The following IGF2 variants were observed in gnomAD, a reference collection of about 807,000 sequenced individuals.
IGF2 encodes insulin like growth factor 2.
In IGF2, 2 loss-of-function variants were observed where a neutral mutation model predicts 12.0. The observed-to-expected ratio is 0.17, with a 90% CI of 0.07 to 0.52. The LOEUF (loss-of-function observed/expected upper bound fraction) is 0.52. Among genes scored for constraint, IGF2 ranks in the 20% least tolerant of loss-of-function variants. The pLI, the probability that IGF2 is intolerant of heterozygous loss-of-function variation, is 0.95. For missense variants in IGF2, 211 were observed against 268.0 expected, an observed-to-expected ratio of 0.79 and a Z score of 1.48; for synonymous variants, 105 against 110.1, an observed-to-expected ratio of 0.95 and a Z score of 0.29.
At chr11:2,139,992 C>T (rs1185067357), upstream of IGF2, 5 of 685,150 alleles carry the variant, frequency 7.3e-6, no homozygotes, top group Non-Finnish European at 1.1e-5. Context: ...GGTGCCGCGC[C>T]GGAGCCCCGG....
In IGF2 at chr11:2,132,080, G is replaced by A. The variant is rs994157168; in HGVS notation, c.*907C>T. The A allele has an allele frequency of 3.7e-5, 8 of 214,100 alleles. No individual in the cohort carries two copies. Among genetic ancestry groups the A allele is most frequent in the African/African-American group, 2.3e-5 (1 of 43,942 alleles). 13.3% of individuals were successfully genotyped at this position (214,100 alleles called of 1,614,324 possible). ...GTGCTCGTGTGTGTGCTGTGTTCAT[G>A]CGTGTGCTGTGTGTTGTGTGTGTGT... On this transcript the variant is annotated 3_prime_UTR_variant, in exon 4 of 4. Coordinates refer to ENST00000416167, the MANE Select transcript of IGF2 (RefSeq NM_000612.6).
At chr11:2,140,457 C>T (rs576301287), upstream of IGF2, 26 of 643,236 alleles carry the variant, frequency 4.0e-5, no homozygotes, top group South Asian at 4.7e-4. Context: ...CCCTCGCCCC[C>T]CTCGCTCCGC....
chr11:2,140,728 G>GCGCCCCA (rs1289464442), upstream of IGF2: 5 of 392,758 alleles, frequency 1.3e-5, no homozygotes, highest in Non-Finnish European at 2.4e-5. Context: ...GCCGTGTCCC[G>GCGCCCCA]CGCCCCACGC....
At chr11:2,147,184 G>A in the IGF2 span, 1 of 161,546 alleles carries the variant, frequency 6.2e-6, no homozygotes, top group Non-Finnish European at 1.3e-5. The surrounding 1 kb of genome is among the most constrained non-coding windows in gnomAD (Gnocchi z 7.2). Context: ...GCTTTCCTTG[G>A]GTTTTTAGGT....
At chr11:2,135,641 G>A in intron 1 of IGF2, 112 bp from the exon 2 acceptor site, 1 of 873,266 alleles carries the variant, frequency 1.1e-6, no homozygotes, top group Non-Finnish European at 1.8e-6. Context: ...AAAATTGAAA[G>A]CACGGCTTTC....
chr11:2,148,883 A>C, the IGF2 span: 1 of 554,664 alleles, frequency 1.8e-6, no homozygotes, highest in Non-Finnish European at 3.2e-6. This position sits in a 1 kb window ranked among gnomAD's most constrained non-coding sequence, Gnocchi z 4.3. Context: ...TTCCTTGCAA[A>C]AGCCTCAGTG....
the IGF2 span, chr11:2,149,031 G>T: frequency 8.4e-7 from 1 of 1,184,466 alleles, no homozygotes; most frequent in Non-Finnish European, 1.2e-6. Context: ...CAGAAACCAG[G>T]ATCCTGGCAG....
chr11:2,143,008 G>A (rs970247032), upstream of IGF2, among the ~76,000 whole-genome samples: 1 of 152,108 alleles, frequency 6.6e-6, no homozygotes, highest in Admixed American at 6.5e-5. Context: ...AGCCATAGAC[G>A]TTAATGCCCC....
Position 2,138,390 on chromosome 11 carries a change from G to GC in IGF2, c.-169_-168insG, listed in dbSNP as rs1347552295. On this transcript the variant is annotated 5_prime_UTR_variant, in exon 1 of 4. Transcript: ENST00000416167. ...AGAGCGGGGGGATGGCTTTTTTTTGGGGGGGGGGGGAGAATTCGTCTGATT... is the reference window on the plus strand; with the variant it reads ...AGAGCGGGGGGATGGCTTTTTTTTGGCGGGGGGGGGGAGAATTCGTCTGATT... 3.0e-5 allele frequency: 15 copies of GC among 495,580 alleles called. 1 individual carries two copies. In the East Asian group the frequency reaches 1.5e-3, roughly 48 times the overall value. 30.7% of individuals were successfully genotyped at this position (495,580 alleles called of 1,614,324 possible).
chr11:2,146,185 C>G (rs1378644269), upstream of IGF2: 2 of 514,664 alleles, frequency 3.9e-6, no homozygotes, highest in Non-Finnish European at 7.8e-6. Context: ...TGTGGCTGCT[C>G]CCCATCCCCT....
chr11:2,138,167 G>T, intron 1 of IGF2, 62 bp downstream of exon 1: 7 of 959,750 alleles, frequency 7.3e-6, no homozygotes, highest in Non-Finnish European at 8.7e-6. Context: ...AGGGCCGGGC[G>T]TCCGGCGCAA....
rs1858622084 is a variant in IGF2, at chr11:2,131,928, G to A, written c.*1059C>T. The stretch of plus-strand genomic sequence containing the variant: ...TTGTGTGTGTGCTGTGTGTGCATGT[G>A]TGTGCGTGTGTGTGCCGTGCGTTTG... On this transcript the variant is annotated 3_prime_UTR_variant, in exon 4 of 4. Coordinates refer to ENST00000416167, the MANE Select transcript of IGF2 (RefSeq NM_000612.6). 1.1e-5 allele frequency: 2 copies of A among 182,536 alleles called. No homozygotes were observed. The highest frequency in any genetic ancestry group is 8.3e-5 in the East Asian group (1 of 11,996). The allele number at this position is 182,536 out of a possible 1,614,324, so 11.3% of individuals were successfully genotyped here. A position where few individuals can be genotyped will look rare whatever the true frequency, so the allele number is the denominator to read the frequency against.
chr11:2,149,512 T>A, the IGF2 span: 1 of 666,746 alleles, frequency 1.5e-6, no homozygotes, highest in Non-Finnish European at 2.5e-6. Flanking sequence ...CCCCTCCGAA[T>A]TTGGGGAGCT....
chr11:2,148,046 G>A, the IGF2 span: 3 of 384,934 alleles, frequency 7.8e-6, no homozygotes, highest in Non-Finnish European at 1.4e-5. The surrounding 1 kb of genome is among the most constrained non-coding windows in gnomAD (Gnocchi z 4.3). Context: ...GCTTCCCGGT[G>A]CTGATGGAGA....
chr11:2,145,339 C>A (rs1286663431), upstream of IGF2, among the ~76,000 whole-genome samples: 2 of 152,168 alleles, frequency 1.3e-5, no homozygotes, highest in Non-Finnish European at 2.9e-5. Context: ...AAACCTGGTC[C>A]CCGGGAGAGC....
the IGF2 span, chr11:2,147,718 G>C: frequency 8.0e-7 from 1 of 1,249,640 alleles, no homozygotes. The surrounding 1 kb of genome is among the most constrained non-coding windows in gnomAD (Gnocchi z 7.2). Flanking sequence ...AGGCTGGGCA[G>C]GGGGCTGAGC....
upstream of IGF2, chr11:2,146,179 G>T (rs970853307): frequency 3.3e-5 from 17 of 511,114 alleles, no homozygotes; most frequent in Non-Finnish European, 5.9e-5. Flanking sequence ...TCGGCCTGTG[G>T]CTGCTCCCCA....
chr11:2,140,385 C>A (rs554845604), upstream of IGF2: 1,928 of 1,308,776 alleles, frequency 1.5e-3, 56 homozygotes, highest in Admixed American at 0.038. Context: ...CGCCAGCCCC[C>A]CGCCGCCTAA....
chr11:2,138,102 G>A (rs1859219330), intron 1 of IGF2, 127 bp downstream of exon 1: 3 of 452,608 alleles, frequency 6.6e-6, no homozygotes, highest in African/African-American at 6.6e-5. Context: ...CCTCCCCCCC[G>A]GGCTCAGCCG....
Sources: allele counts gnomAD v4.1 joint callset (sites outside exome capture counted in the v4.1 genomes callset), GRCh38; gene constraint gnomAD v4.1.1; non-coding constraint Gnocchi (gnomAD v3.1); transcripts MANE v1.5; gene names NCBI Gene and HGNC (gene_info 2026-07-23, HGNC 2026-07-21).